Variants in SPIRE1 observed in about 807,000 individuals in gnomAD.
SPIRE1 encodes the protein spire type actin nucleation factor 1.
Under a neutral mutation model 94.1 loss-of-function variants are expected in SPIRE1, and 40 were observed. That is an observed-to-expected ratio of 0.43 (90% confidence interval 0.33 to 0.55). The LOEUF (loss-of-function observed/expected upper bound fraction) is 0.55. Ranked by LOEUF, SPIRE1 falls within the 20% of genes least tolerant of loss-of-function variation. The pLI is 0.06. For missense variants in SPIRE1, 838 were observed against 975.2 expected (o/e 0.86, Z 1.87); for synonymous variants, 376 against 371.7 (o/e 1.01, Z -0.13).
At chr18:12,511,442 T>C (rs917867142) in intron 5 of SPIRE1, among the ~76,000 whole-genome samples, 1 of 152,204 alleles carries the variant, frequency 6.6e-6, no homozygotes, top group African/African-American at 2.4e-5. Flanking sequence ...TGATCTGAGG[T>C]GGAACAGTTT....
intron 4 of SPIRE1, among the ~76,000 whole-genome samples, chr18:12,514,058 T>C (rs2034121619): frequency 6.6e-6 from 1 of 152,102 alleles, no homozygotes; most frequent in African/African-American, 2.4e-5. Context: ...CCTGGGCTGG[T>C]GTCGAACTCG....
intron 2 of SPIRE1, among the ~76,000 whole-genome samples, chr18:12,627,787 T>G (rs2037672977): frequency 6.6e-6 from 1 of 152,234 alleles, no homozygotes; most frequent in Non-Finnish European, 1.5e-5. Flanking sequence ...TGGTTTTGAT[T>G]TGCATTTCTC....
At chr18:12,528,299 T>C (rs1262258049) in intron 4 of SPIRE1, among the ~76,000 whole-genome samples, 1 of 152,154 alleles carries the variant, frequency 6.6e-6, no homozygotes, top group Non-Finnish European at 1.5e-5. Flanking sequence ...GATAAACGTA[T>C]ACAGTAATTA....
At position 12,506,473 on chromosome 18, in the gene SPIRE1, T is replaced by C. The variant is rs1567897024; in HGVS notation, c.972+4A>G. ...ATGCCCGGCCTGACAGCTTGGTTAC[T>C]TACCATCACTTTTCGCAAGGTGTAT... On this transcript the variant is annotated splice_donor_region_variant and intron_variant, in intron 6 of 16. Coordinates refer to ENST00000409402, the MANE Select transcript of SPIRE1 (RefSeq NM_001128626.2). The C allele has an allele frequency of 1.9e-6, 3 of 1,613,894 alleles. No homozygotes were observed. Among genetic ancestry groups the C allele is most frequent in the Non-Finnish European group, 2.5e-6 (3 of 1,179,854 alleles).
intron 2 of SPIRE1, among the ~76,000 whole-genome samples, chr18:12,558,743 G>A (rs1284012871): frequency 2.0e-5 from 3 of 152,032 alleles, no homozygotes; most frequent in Admixed American, 6.5e-5. Flanking sequence ...GTGCTGACTG[G>A]TGCATCCACA....
chr18:12,476,466 G>C (rs1785339), intron 10 of SPIRE1, among the ~76,000 whole-genome samples: 15,501 of 148,286 alleles, frequency 0.1, 1,632 homozygotes, highest in African/African-American at 0.26. Context: ...GCTTGAACCT[G>C]GGAGGTCGAG....
At chr18:12,542,837 C>CT (rs1251703727) in intron 3 of SPIRE1, among the ~76,000 whole-genome samples, 1 of 151,836 alleles carries the variant, frequency 6.6e-6, no homozygotes, top group Non-Finnish European at 1.5e-5. Context: ...GTTTATTTTT[C>CT]TTTTTTTGAG....
chr18:12,559,501 G>T lies in SPIRE1; in HGVS notation c.373-12597C>A, dbSNP rs895154397. Among the ~76,000 whole-genome samples the T allele has an allele frequency of 2.6e-5, 4 of 152,206 alleles. No individual in the cohort carries two copies. Among genetic ancestry groups the T allele is most frequent in the Non-Finnish European group, 5.9e-5 (4 of 68,036 alleles). On this transcript the variant is annotated intron_variant, in intron 2 of 16. Coordinates refer to ENST00000409402, the MANE Select transcript of SPIRE1 (RefSeq NM_001128626.2). The surrounding 1 kb of genome is among the most constrained non-coding windows in gnomAD (Gnocchi z 4.7). ...ACCTCCCTGCAAGCAGAGGGAGCCG[G>T]CTCCGGCTTTGGCCAGCCCAGAGAG...
intron 6 of SPIRE1, among the ~76,000 whole-genome samples, chr18:12,504,883 G>A (rs778264538): frequency 1.3e-5 from 2 of 152,188 alleles, no homozygotes; most frequent in African/African-American, 2.4e-5. Context: ...GCTCCTGAGA[G>A]AAGGAATATC....
intron 1 of SPIRE1, among the ~76,000 whole-genome samples, chr18:12,638,091 C>G (rs550005375): frequency 6.6e-6 from 1 of 152,266 alleles, no homozygotes; most frequent in South Asian, 2.1e-4. Context: ...ATCCCAATCA[C>G]ATGACATCAG....
chr18:12,532,276 G>C (rs1157940335), intron 4 of SPIRE1, among the ~76,000 whole-genome samples: 2 of 152,174 alleles, frequency 1.3e-5, no homozygotes, highest in African/African-American at 4.8e-5. Flanking sequence ...TTCAGTAAAT[G>C]CACTTAACAC....
intron 2 of SPIRE1, among the ~76,000 whole-genome samples, chr18:12,583,884 G>A (rs1015465140): frequency 6.6e-6 from 1 of 151,958 alleles, no homozygotes; most frequent in Non-Finnish European, 1.5e-5. Context: ...TCATGATCAC[G>A]CCACTGCACT....
intron 2 of SPIRE1, among the ~76,000 whole-genome samples, chr18:12,621,799 G>A (rs908875495): frequency 2.0e-5 from 3 of 152,020 alleles, no homozygotes; most frequent in Non-Finnish European, 2.9e-5. Flanking sequence ...CTCAAAAACC[G>A]CAAATTGGGT....
chr18:12,514,846 G>C (rs563067519), intron 4 of SPIRE1, among the ~76,000 whole-genome samples: 1 of 152,218 alleles, frequency 6.6e-6, no homozygotes, highest in African/African-American at 2.4e-5. Flanking sequence ...ATAAAATAAA[G>C]AAGAAAAAGA....
chr18:12,489,971 T>A (rs747479139), intron 8 of SPIRE1, among the ~76,000 whole-genome samples: 1 of 152,174 alleles, frequency 6.6e-6, no homozygotes, highest in Non-Finnish European at 1.5e-5. Flanking sequence ...TTAGGGAAAC[T>A]TTTCTTCAAG....
chr18:12,566,852 C>T (rs745393422), intron 2 of SPIRE1, among the ~76,000 whole-genome samples: 4 of 152,060 alleles, frequency 2.6e-5, no homozygotes, highest in Admixed American at 2.6e-4. Context: ...TCCTATGAGG[C>T]CAGCATTACC....
upstream of SPIRE1, chr18:12,658,141 G>C (rs1567999020): frequency 2.0e-5 from 20 of 997,156 alleles, no homozygotes; most frequent in East Asian, 4.4e-4. Context: ...GCCTCGCGCC[G>C]TCCAGCGCCG....
chr18:12,549,691 C>T (rs1297189949), intron 2 of SPIRE1, among the ~76,000 whole-genome samples: 9 of 151,658 alleles, frequency 5.9e-5, no homozygotes, highest in East Asian at 5.8e-4. Flanking sequence ...CCTCGTGATC[C>T]GCCTGCCTTG....
intron 2 of SPIRE1, among the ~76,000 whole-genome samples, chr18:12,627,471 T>TTTGG (rs2037665127): frequency 6.6e-6 from 1 of 152,166 alleles, no homozygotes; most frequent in Non-Finnish European, 1.5e-5. Flanking sequence ...TCGATGGACA[T>TTTGG]TTGGGTTGGT....
Sources: allele counts gnomAD v4.1 joint callset (sites outside exome capture counted in the v4.1 genomes callset), GRCh38; gene constraint gnomAD v4.1.1; non-coding constraint Gnocchi (gnomAD v3.1); transcripts MANE v1.5; gene names NCBI Gene and HGNC (gene_info 2026-07-23, HGNC 2026-07-21).